The following CACNA2D1 variants were observed in gnomAD, a reference collection of about 807,000 sequenced individuals.
The protein encoded by CACNA2D1 is calcium voltage-gated channel auxiliary subunit alpha2delta 1.
Under a neutral mutation model 171.5 loss-of-function variants are expected in CACNA2D1, and 53 were observed. The ratio of observed to expected loss-of-function variants is 0.31; its 90% CI spans 0.25 to 0.39. The LOEUF (loss-of-function observed/expected upper bound fraction) is 0.39. Ranked by LOEUF, CACNA2D1 falls within the 10% of genes least tolerant of loss-of-function variation. The probability of loss-of-function intolerance (pLI) is 1.00; values close to 1 mark genes in which losing one functional copy is unlikely to be tolerated. For missense variants in CACNA2D1, 903 were observed against 1,299.8 expected (o/e 0.69, Z 4.69); for synonymous variants, 442 against 443.1 (o/e 1.00, Z 0.03).
At chr7:82,339,198 A>T (rs948707244) in intron 2 of CACNA2D1, among the ~76,000 whole-genome samples, 1 of 152,238 alleles carries the variant, frequency 6.6e-6, no homozygotes, top group Non-Finnish European at 1.5e-5. Context: ...GATCTGAAAG[A>T]GGCTAACCTT....
At chr7:82,426,362 C>A (rs1829186563) in intron 1 of CACNA2D1, among the ~76,000 whole-genome samples, 2 of 151,438 alleles carry the variant, frequency 1.3e-5, no homozygotes, top group East Asian at 2.0e-4. Flanking sequence ...TCAACTGGCA[C>A]AATAAACGGC....
chr7:82,050,567 C>T (rs1371493414), intron 10 of CACNA2D1: 2 of 702,658 alleles, frequency 2.8e-6, no homozygotes, highest in East Asian at 2.7e-5. Flanking sequence ...CAGAGAGACA[C>T]AATAGTTTAA....
chr7:82,142,530 G>T (rs1198352757), intron 4 of CACNA2D1, among the ~76,000 whole-genome samples: 1 of 152,142 alleles, frequency 6.6e-6, no homozygotes, highest in Admixed American at 6.6e-5. Context: ...ATGTTGCCAG[G>T]AATAAGGCTT....
chr7:81,989,567 C>A (rs752532620), intron 21 of CACNA2D1, among the ~76,000 whole-genome samples: 1 of 152,072 alleles, frequency 6.6e-6, no homozygotes, highest in Non-Finnish European at 1.5e-5. Context: ...GAGTCATCTA[C>A]GAGAGTCCTA....
chr7:82,176,312 C>A (rs7785160), intron 3 of CACNA2D1, among the ~76,000 whole-genome samples: 24 of 151,800 alleles, frequency 1.6e-4, no homozygotes, highest in African/African-American at 5.3e-4. Context: ...TTTCCAATAA[C>A]CTTAACTAGA....
chr7:82,103,857 G>C (rs1199474057), intron 6 of CACNA2D1, among the ~76,000 whole-genome samples: 1 of 151,928 alleles, frequency 6.6e-6, no homozygotes, highest in Non-Finnish European at 1.5e-5. Context: ...CCTAATGATA[G>C]TTTTTATTAT....
chr7:82,005,614 T>C lies in CACNA2D1; in HGVS notation c.1516-117A>G. The C allele has an allele frequency of 8.1e-6, 7 of 866,580 alleles. No individual in the cohort carries two copies. In the East Asian group the frequency reaches 1.1e-4, roughly 13 times the overall value. 53.7% of individuals were successfully genotyped at this position (866,580 alleles called of 1,614,324 possible). ...TTGTATAGCATGTTGAAAGATAACA[T>C]GGAATCATTTTATTTTAGAGATGCT... On this transcript the variant is annotated intron_variant, in intron 17 of 38. Coordinates refer to ENST00000356860, the MANE Select transcript of CACNA2D1 (RefSeq NM_000722.4).
chr7:82,387,618 T>G (rs963116817), intron 1 of CACNA2D1, among the ~76,000 whole-genome samples: 25 of 152,334 alleles, frequency 1.6e-4, no homozygotes, highest in East Asian at 9.6e-4. Flanking sequence ...ACACCCGATT[T>G]TATGATTCAT....
intron 3 of CACNA2D1, among the ~76,000 whole-genome samples, chr7:82,198,453 G>T (rs1382516442): frequency 6.6e-6 from 1 of 152,056 alleles, no homozygotes; most frequent in Admixed American, 6.6e-5. Context: ...TTTGCTGCAT[G>T]TTAGAAAGAC....
At chr7:82,140,967 A>G (rs1792308841) in intron 4 of CACNA2D1, among the ~76,000 whole-genome samples, 1 of 85,992 alleles carries the variant, frequency 1.2e-5, no homozygotes, top group Non-Finnish European at 2.9e-5. Context: ...AAAAAAAAAA[A>G]AAGAAAAAAA....
At chr7:82,240,225 C>T (rs1019298620) in intron 3 of CACNA2D1, among the ~76,000 whole-genome samples, 2 of 152,134 alleles carry the variant, frequency 1.3e-5, no homozygotes, top group Non-Finnish European at 2.9e-5. Flanking sequence ...GTCTATGAGC[C>T]TTGGTTTCCT....
chr7:82,343,950 T>C (rs1277531841), intron 2 of CACNA2D1, among the ~76,000 whole-genome samples: 1 of 152,222 alleles, frequency 6.6e-6, no homozygotes, highest in Non-Finnish European at 1.5e-5. Context: ...TATTAACAAA[T>C]GGCTTTTCTA....
chr7:81,951,277 A>G (rs1475772479), intron 38 of CACNA2D1, among the ~76,000 whole-genome samples: 1 of 152,084 alleles, frequency 6.6e-6, no homozygotes, highest in African/African-American at 2.4e-5. Context: ...TAGGTTCTAT[A>G]TTTGATAACA....
intron 12 of CACNA2D1, among the ~76,000 whole-genome samples, chr7:82,030,961 T>C (rs188908350): frequency 3.9e-5 from 6 of 152,056 alleles, no homozygotes; most frequent in South Asian, 4.1e-4. Flanking sequence ...AGTTATATTT[T>C]ATAATTATAA....
chr7:82,065,399 C>G (rs1209343028), intron 8 of CACNA2D1, among the ~76,000 whole-genome samples: 4 of 152,124 alleles, frequency 2.6e-5, no homozygotes, highest in African/African-American at 9.7e-5. Flanking sequence ...ATGTCTGCCT[C>G]TACTGATTGG....
At chr7:82,334,920 GATT>G (rs1253501131) in intron 3 of CACNA2D1, among the ~76,000 whole-genome samples, 1 of 151,716 alleles carries the variant, frequency 6.6e-6, no homozygotes, top group Non-Finnish European at 1.5e-5. Flanking sequence ...ATTAAACACA[GATT>G]ATTAAAATAT....
intron 5 of CACNA2D1, among the ~76,000 whole-genome samples, chr7:82,122,044 T>A (rs1014750611): frequency 1.3e-5 from 2 of 152,204 alleles, no homozygotes; most frequent in African/African-American, 2.4e-5. Context: ...AAAGTCTTCA[T>A]GTATTATTCT....
At chr7:82,238,934 C>T (rs1031260408) in intron 3 of CACNA2D1, among the ~76,000 whole-genome samples, 6 of 151,824 alleles carry the variant, frequency 4.0e-5, no homozygotes, top group Non-Finnish European at 5.9e-5. Flanking sequence ...CAATATCTGA[C>T]CCAAGATAGA....
chr7:82,366,749 T>C (rs1049859927), intron 1 of CACNA2D1, among the ~76,000 whole-genome samples: 4 of 152,110 alleles, frequency 2.6e-5, no homozygotes, highest in African/African-American at 9.7e-5. Context: ...AGTAATGGGA[T>C]GGCTGGGTTG....
Sources: allele counts gnomAD v4.1 joint callset (sites outside exome capture counted in the v4.1 genomes callset), GRCh38; gene constraint gnomAD v4.1.1; transcripts MANE v1.5; gene names NCBI Gene and HGNC (gene_info 2026-07-23, HGNC 2026-07-21).